The following SYNJ1 variants were observed in gnomAD, a reference collection of about 807,000 sequenced individuals.
The protein encoded by SYNJ1 is synaptojanin 1, also known as polyphosphatidylinositol phosphatase SYNJ1.
In SYNJ1, 78 loss-of-function variants were observed where a neutral mutation model predicts 168.2. The observed-to-expected ratio is 0.46, with a 90% confidence interval of 0.39 to 0.56. SYNJ1 has a LOEUF of 0.56. SYNJ1 is among the 20% of genes least tolerant of loss of function. The pLI, the probability that SYNJ1 is intolerant of heterozygous loss-of-function variation, is 0.00. For missense variants in SYNJ1, 1,303 were observed against 1,597.6 expected, an observed-to-expected ratio of 0.82 and a Z score of 3.14; for synonymous variants, 539 against 548.6, an observed-to-expected ratio of 0.98 and a Z score of 0.24.
At chr21:32,641,012 A>C (rs2039811239) in intron 29 of SYNJ1, among the ~76,000 whole-genome samples, 1 of 152,056 alleles carries the variant, frequency 6.6e-6, no homozygotes, top group African/African-American at 2.4e-5. Flanking sequence ...CCTTTTTTTG[A>C]AAAAAGGAGG....
intron 2 of SYNJ1, among the ~76,000 whole-genome samples, chr21:32,705,159 A>T (rs1034766946): frequency 9.9e-5 from 15 of 152,096 alleles, no homozygotes; most frequent in African/African-American, 3.6e-4. Flanking sequence ...AAAAAAAAAA[A>T]AAAGAATTGG....
intron 6 of SYNJ1, among the ~76,000 whole-genome samples, chr21:32,690,359 C>A (rs945276207): frequency 5.3e-5 from 8 of 152,204 alleles, no homozygotes; most frequent in African/African-American, 1.7e-4. Flanking sequence ...AGGCACACGT[C>A]ACCATGCCCG....
intron 18 of SYNJ1, among the ~76,000 whole-genome samples, chr21:32,660,799 CT>C (rs2040668033): frequency 6.6e-6 from 1 of 152,166 alleles, no homozygotes; most frequent in Non-Finnish European, 1.5e-5. Flanking sequence ...GGAAAAGGGC[CT>C]GTTAAACTCT....
In SYNJ1 at chr21:32,690,948, G is replaced by A. The variant is rs568302629; in HGVS notation, c.790-2581C>T. Among the ~76,000 whole-genome samples, 5 of 152,268 alleles carry A rather than the reference G, an allele frequency of 3.3e-5. No homozygotes were observed. In the South Asian group the frequency reaches 1.0e-3, roughly 32 times the overall value. On this transcript the variant is annotated intron_variant, in intron 6 of 32. Coordinates refer to ENST00000674351, the MANE Select transcript of SYNJ1 (RefSeq NM_203446.3). ...GGGAAAAAAAAAGCTTGCATTAAAG[G>A]TATTTTTAAAAATCATTTAATTGTG...
intron 6 of SYNJ1, among the ~76,000 whole-genome samples, chr21:32,689,013 G>T (rs1280313365): frequency 6.6e-6 from 1 of 152,144 alleles, no homozygotes; most frequent in Admixed American, 6.5e-5. Flanking sequence ...GCAGAATCAG[G>T]AATTTTGGGT....
At chr21:32,666,236 GGTACTTTGAGGGCAAGCCTTTGAAATA>G in intron 16 of SYNJ1, 101 bp from the exon 17 acceptor site, 4 of 1,433,012 alleles carry the variant, frequency 2.8e-6, no homozygotes, top group Non-Finnish European at 3.8e-6. Context: ...CACATGGTAT[GGTACTTTGAGGGCAAGCCTTTGAAATA>G]GTACAGTGAA....
In SYNJ1 at chr21:32,656,738, A is replaced by G. The variant is rs867564053; in HGVS notation, c.2744T>C (p.Ile915Thr). 1.2e-6 allele frequency: 2 copies of G among 1,613,982 alleles called. No homozygotes were observed. The highest frequency in any genetic ancestry group is 2.7e-5 in the African/African-American group (2 of 74,920). Residue 915 changes from isoleucine (I) to threonine (T), a missense_variant, in exon 21 of 33, where the codon ATT becomes ACT. This residue lies in a region of SYNJ1 where 920 missense variants were observed against 1,208.8 expected (regional missense o/e 0.76). Coordinates refer to ENST00000674351, the MANE Select transcript of SYNJ1 (RefSeq NM_203446.3). ...TGCAAACTGCTGCAGAAGCTCATCA[A>G]TCAAGGCATCATCAAAAAAATTATT... ...PENNFFDDAL[I>T]DELLQQFASF...
chr21:32,692,060 A>G (rs1479127087), intron 6 of SYNJ1, among the ~76,000 whole-genome samples: 1 of 152,230 alleles, frequency 6.6e-6, no homozygotes, highest in Non-Finnish European at 1.5e-5. Flanking sequence ...GGGACAAGAC[A>G]GAAAACTGTG....
intron 14 of SYNJ1, among the ~76,000 whole-genome samples, chr21:32,672,705 C>T (rs2041254170): frequency 6.6e-6 from 1 of 152,132 alleles, no homozygotes; most frequent in African/African-American, 2.4e-5. Context: ...CAGTTTGGTG[C>T]AGAGAACCCA....
intron 6 of SYNJ1, among the ~76,000 whole-genome samples, chr21:32,692,669 AG>A (rs1200798598): frequency 2.0e-5 from 3 of 152,344 alleles, no homozygotes; most frequent in East Asian, 1.9e-4. Context: ...GGAAGGCACA[AG>A]GAAGTCCCAC....
At chr21:32,697,177 G>A (rs1244832132) in intron 4 of SYNJ1, among the ~76,000 whole-genome samples, 2 of 152,074 alleles carry the variant, frequency 1.3e-5, no homozygotes, top group Non-Finnish European at 2.9e-5. Context: ...ACTTTTGACT[G>A]GCAGCAGCTT....
At chr21:32,727,792 C>A (rs1453354837) in intron 1 of SYNJ1, 154 bp downstream of exon 1, 4 of 1,436,084 alleles carry the variant, frequency 2.8e-6, no homozygotes, top group Non-Finnish European at 2.7e-6. Flanking sequence ...TGCTCACAAC[C>A]CCGCCCGTCC....
intron 8 of SYNJ1, 71 bp downstream of exon 8, chr21:32,686,907 T>C (rs2041855255): frequency 6.8e-6 from 7 of 1,026,154 alleles, no homozygotes; most frequent in Non-Finnish European, 9.9e-6. Context: ...CTGATTACTG[T>C]ATTATTTTAT....
At chr21:32,718,285 T>G (rs1029564764) in intron 2 of SYNJ1, among the ~76,000 whole-genome samples, 9 of 152,192 alleles carry the variant, frequency 5.9e-5, no homozygotes, top group African/African-American at 2.2e-4. Flanking sequence ...ATGAAAGCAC[T>G]TAAGAACTAA....
rs754281862 is a variant in SYNJ1, at chr21:32,657,039, T to G, written c.2543A>C (p.His848Pro). 6.2e-7 allele frequency: 1 copy of G among 1,614,214 alleles called. No homozygotes were observed. Among genetic ancestry groups the G allele is most frequent in the Non-Finnish European group, 8.5e-7 (1 of 1,180,042 alleles). ...LYTWTPGTLL[H>P]YGRAELKTSD... Reference sequence around the variant, plus strand: ...AGTCTTCAGCTCAGCTCTTCCATAGTGCAGCAAAGTGCCTGGAGTCCACGT... The same window carrying G: ...AGTCTTCAGCTCAGCTCTTCCATAGGGCAGCAAAGTGCCTGGAGTCCACGT... Residue 848 changes from histidine to proline, a missense_variant, in exon 20 of 33, where the codon CAC becomes CCC. Physicochemically the swap from His to Pro is moderately conservative, Grantham distance 77 (BLOSUM62 -2). Transcript: ENST00000674351.
chr21:32,700,440 A>G (rs536733338), intron 3 of SYNJ1, among the ~76,000 whole-genome samples: 1 of 152,190 alleles, frequency 6.6e-6, no homozygotes, highest in Admixed American at 6.5e-5. Context: ...GGATCACCTG[A>G]GGCCGGGAAT....
At chr21:32,691,203 T>C (rs1213757220) in intron 6 of SYNJ1, among the ~76,000 whole-genome samples, 2 of 152,202 alleles carry the variant, frequency 1.3e-5, no homozygotes, top group Non-Finnish European at 2.9e-5. Flanking sequence ...TCATGAATGG[T>C]TTGGCACTAT....
At chr21:32,654,007 G>A (rs1303221073) in intron 21 of SYNJ1, 2 of 151,970 alleles carry the variant, frequency 1.3e-5, no homozygotes, top group Admixed American at 6.6e-5. Flanking sequence ...AAATAAAAAG[G>A]ACAGAAGAAG....
At chr21:32,636,000 G>A (rs2039550395) in intron 31 of SYNJ1, among the ~76,000 whole-genome samples, 1 of 152,092 alleles carries the variant, frequency 6.6e-6, no homozygotes, top group Non-Finnish European at 1.5e-5. Context: ...ACATCACCCA[G>A]AAATATATTA....
Sources: gnomAD v4.1 joint callset for allele counts (sites outside exome capture counted in the v4.1 genomes callset) on GRCh38, gnomAD v4.1.1 for gene constraint, gnomAD v4.1.1 regional missense constraint, MANE v1.5 for transcripts, NCBI Gene and HGNC (gene_info 2026-07-23, HGNC 2026-07-21) for gene names.